Variants in FRAS1 observed in about 807,000 individuals in gnomAD.
The protein encoded by FRAS1 is extracellular matrix organizing protein FRAS1.
In FRAS1, 290 loss-of-function variants were observed where a neutral mutation model predicts 435.2. That is an observed-to-expected ratio of 0.67 (90% CI 0.61 to 0.73). FRAS1 has a LOEUF of 0.73. FRAS1 is among the 30% of genes least tolerant of loss of function. The probability of loss-of-function intolerance (pLI) is 0.00; values close to 1 mark genes in which losing one functional copy is unlikely to be tolerated. For synonymous variants in FRAS1, 1,800 were observed against 1,851.0 expected (o/e 0.97, Z 0.71); for missense variants, 4,860 against 5,001.5 (o/e 0.97, Z 0.85).
intron 2 of FRAS1, among the ~76,000 whole-genome samples, chr4:78,172,478 T>C (rs1469869692): frequency 2.6e-5 from 4 of 152,148 alleles, no homozygotes; most frequent in African/African-American, 4.8e-5. Context: ...ACAAACACTT[T>C]TTTTCTGACC....
intron 2 of FRAS1, among the ~76,000 whole-genome samples, chr4:78,175,516 A>G (rs1398147121): frequency 6.6e-6 from 1 of 152,158 alleles, no homozygotes; most frequent in Non-Finnish European, 1.5e-5. Flanking sequence ...AGGAGAGTTC[A>G]ATAAGGGGAC....
chr4:78,086,765 A>G (rs1028344481), intron 2 of FRAS1, among the ~76,000 whole-genome samples: 1 of 152,180 alleles, frequency 6.6e-6, no homozygotes, highest in African/African-American at 2.4e-5. Context: ...AGGCTCTGAA[A>G]TTGCGGCAAT....
At chr4:78,070,686 T>C (rs1740301848) in intron 2 of FRAS1, 1 of 152,152 alleles carries the variant, frequency 6.6e-6, no homozygotes. Flanking sequence ...AGGAGGAAAA[T>C]TAATTTTTCA....
At chr4:78,180,953 C>A (rs1721972502) in intron 2 of FRAS1, 1 of 1,610,258 alleles carries the variant, frequency 6.2e-7, no homozygotes, top group African/African-American at 1.3e-5. Context: ...GGTTTGGGCG[C>A]CCACCACGCC....
At position 78,321,069 on chromosome 4, in the gene FRAS1, A is replaced by G. The variant is rs76675926; in HGVS notation, c.2137+2083A>G. Among the ~76,000 whole-genome samples the G allele has an allele frequency of 5.4e-4, 83 of 152,318 alleles. No individual in the cohort carries two copies. The East Asian group carries it at 0.013, about 23-fold the overall frequency. Reference sequence around the variant, plus strand: ...AAAATGGGGAATTCGGAGTGGGTTCAGAAATAGTTAGAATTGTAAATAAAT... The same window carrying G: ...AAAATGGGGAATTCGGAGTGGGTTCGGAAATAGTTAGAATTGTAAATAAAT... On this transcript the variant is annotated intron_variant, in intron 18 of 73. Coordinates refer to ENST00000512123, the MANE Select transcript of FRAS1 (RefSeq NM_025074.7).
chr4:78,159,630 C>G (rs1721049080), intron 2 of FRAS1, among the ~76,000 whole-genome samples: 12 of 152,156 alleles, frequency 7.9e-5, no homozygotes, highest in Admixed American at 7.9e-4. Flanking sequence ...CCTGTAATCC[C>G]AGCACTTTGG....
At chr4:78,309,819 C>T (rs1728944927) in intron 15 of FRAS1, among the ~76,000 whole-genome samples, 1 of 152,162 alleles carries the variant, frequency 6.6e-6, no homozygotes, top group African/African-American at 2.4e-5. Context: ...ATTGAGTTTA[C>T]TTTGATGGTC....
chr4:78,507,634 C>A, intron 62 of FRAS1, 26 bp downstream of exon 62: 1 of 1,566,242 alleles, frequency 6.4e-7, no homozygotes. Flanking sequence ...CAAAGGATTG[C>A]TGTTTTACGT....
intron 4 of FRAS1, among the ~76,000 whole-genome samples, chr4:78,251,443 G>A (rs1157525309): frequency 6.6e-6 from 1 of 152,194 alleles, no homozygotes; most frequent in Non-Finnish European, 1.5e-5. Context: ...GGTTGGATAT[G>A]CATATATATT....
At chr4:78,493,673 G>A (rs1238512444) in intron 59 of FRAS1, among the ~76,000 whole-genome samples, 1 of 152,042 alleles carries the variant, frequency 6.6e-6, no homozygotes, top group Non-Finnish European at 1.5e-5. Context: ...GGGGGCTAGG[G>A]GAGGGATAGC....
chr4:78,496,530 G>C (rs539265012), intron 59 of FRAS1, among the ~76,000 whole-genome samples: 1 of 152,206 alleles, frequency 6.6e-6, no homozygotes, highest in South Asian at 2.1e-4. Context: ...GTTTTTAGTG[G>C]GTTCTTTGTT....
At chr4:78,211,061 A>G (rs764452198) in intron 2 of FRAS1, among the ~76,000 whole-genome samples, 3 of 152,210 alleles carry the variant, frequency 2.0e-5, no homozygotes, top group Non-Finnish European at 2.9e-5. Flanking sequence ...GGCAGTGTGG[A>G]TATCTAAGTG....
chr4:78,231,378 G>A (rs1724513182), intron 2 of FRAS1, among the ~76,000 whole-genome samples: 1 of 151,626 alleles, frequency 6.6e-6, no homozygotes, highest in Non-Finnish European at 1.5e-5. Context: ...AAATCATCTG[G>A]AACTCACACA....
chr4:78,439,810 A>G (rs567835813), intron 40 of FRAS1, among the ~76,000 whole-genome samples: 1 of 152,148 alleles, frequency 6.6e-6, no homozygotes, highest in East Asian at 1.9e-4. Flanking sequence ...TCTTTAAAAT[A>G]TTATCATTTT....
At chr4:78,415,302 G>A (rs556935584) in intron 32 of FRAS1, among the ~76,000 whole-genome samples, 34 of 152,060 alleles carry the variant, frequency 2.2e-4, no homozygotes, top group African/African-American at 5.8e-4. Flanking sequence ...AAAATCTCAC[G>A]CATCACAACT....
chr4:78,103,862 A>G (rs1742254059), intron 2 of FRAS1, among the ~76,000 whole-genome samples: 1 of 152,214 alleles, frequency 6.6e-6, no homozygotes, highest in African/African-American at 2.4e-5. Context: ...ATATTTTGTT[A>G]TAGCGGCCTA....
At chr4:78,128,286 T>C (rs1719485874) in intron 2 of FRAS1, among the ~76,000 whole-genome samples, 1 of 152,184 alleles carries the variant, frequency 6.6e-6, no homozygotes, top group Non-Finnish European at 1.5e-5. Flanking sequence ...GATTGCTGGG[T>C]CAAATGGTAT....
intron 14 of FRAS1, among the ~76,000 whole-genome samples, chr4:78,301,646 G>T (rs1447773029): frequency 6.6e-6 from 1 of 152,102 alleles, no homozygotes; most frequent in African/African-American, 2.4e-5. Flanking sequence ...GTGGGAGGTG[G>T]TGATCCTGTG....
chr4:78,302,804 G>C (rs569869163), intron 14 of FRAS1, among the ~76,000 whole-genome samples: 46 of 152,142 alleles, frequency 3.0e-4, no homozygotes, highest in Non-Finnish European at 5.6e-4. Flanking sequence ...CCATTTTGTA[G>C]GTTGCCTGTT....
Sources: gnomAD v4.1 joint callset for allele counts (sites outside exome capture counted in the v4.1 genomes callset) on GRCh38, gnomAD v4.1.1 for gene constraint, MANE v1.5 for transcripts, NCBI Gene and HGNC (gene_info 2026-07-23, HGNC 2026-07-21) for gene names.